KLHL6: variants seen among roughly 807,000 people sequenced by gnomAD.
KLHL6 encodes the protein kelch-like protein 6.
A neutral mutation model predicts 58.6 loss-of-function variants in KLHL6; 41 were observed. That is an observed-to-expected ratio of 0.70 (90% CI 0.55 to 0.91). The LOEUF is 0.91. Among genes scored for constraint, KLHL6 ranks in the 40% least tolerant of loss-of-function variants. The probability of loss-of-function intolerance (pLI) is 0.00; values close to 1 mark genes in which losing one functional copy is unlikely to be tolerated. For missense variants in KLHL6, 714 were observed against 805.6 expected (o/e 0.89, Z 1.38); for synonymous variants, 338 against 322.7 (o/e 1.05, Z -0.51).
At chr3:183,516,444 C>T (rs1711562344) in intron 2 of KLHL6, among the ~76,000 whole-genome samples, 1 of 152,252 alleles carries the variant, frequency 6.6e-6, no homozygotes, top group Non-Finnish European at 1.5e-5. Flanking sequence ...AGACAGCCAG[C>T]TTCCTGTTTG....
At chr3:183,549,294 G>C (rs887328210) in intron 1 of KLHL6, among the ~76,000 whole-genome samples, 3 of 152,210 alleles carry the variant, frequency 2.0e-5, no homozygotes, top group Non-Finnish European at 4.4e-5. Context: ...GGGTACACTT[G>C]AGAACTCAAG....
intron 2 of KLHL6, among the ~76,000 whole-genome samples, chr3:183,526,407 G>C (rs1247607000): frequency 2.0e-5 from 3 of 152,178 alleles, no homozygotes; most frequent in Non-Finnish European, 4.4e-5. Context: ...GCCTGAATAT[G>C]ACCCCAGTTT....
chr3:183,500,739 C>T (rs1717845290), intron 3 of KLHL6, among the ~76,000 whole-genome samples: 1 of 152,142 alleles, frequency 6.6e-6, no homozygotes, highest in South Asian at 2.1e-4. Context: ...CCCTGGGCTC[C>T]ATGATGAAGG....
At chr3:183,537,315 C>T (rs993554214) in intron 1 of KLHL6, among the ~76,000 whole-genome samples, 1 of 152,112 alleles carries the variant, frequency 6.6e-6, no homozygotes, top group Non-Finnish European at 1.5e-5. Flanking sequence ...AGGCCTTTTG[C>T]GGGGGATCAA....
In KLHL6 at chr3:183,516,844, G is replaced by A. The variant is rs368301487; in HGVS notation, c.460-8336C>T. ...ACCTTCAGCTCCGACAAATCAGCAT[G>A]TGTGAAGGTGTGATGAGATTAATAA... is the stretch of plus-strand genomic sequence containing the variant. On this transcript the variant is annotated intron_variant, in intron 2 of 6. Transcript: ENST00000341319. Among the ~76,000 whole-genome samples the A allele has an allele frequency of 4.6e-5, 7 of 152,370 alleles. No homozygotes were observed. The East Asian group carries it at 1.2e-3, about 25-fold the overall frequency.
intron 1 of KLHL6, chr3:183,552,086 C>T (rs1202953910): frequency 6.7e-6 from 1 of 149,984 alleles, no homozygotes; most frequent in East Asian, 1.9e-4. Context: ...ATGACACCCT[C>T]TTTTGGTGAT....
chr3:183,501,991 G>A (rs147892631), intron 3 of KLHL6, among the ~76,000 whole-genome samples: 2,841 of 152,232 alleles, frequency 0.019, 40 homozygotes, highest in Non-Finnish European at 0.027. Context: ...TATAAACATT[G>A]ATTAAATGAG....
rs535142359 is a variant in KLHL6 at position 183,507,525 on chromosome 3, G to A, written c.909+534C>T. ...CGGCTCACTACAACCTCTGCCTCCC[G>A]GGTTCAAGTGATCTTCCTGCCTCAG... On this transcript the variant is annotated intron_variant, in intron 3 of 6. Transcript: ENST00000341319. 4.4e-3 allele frequency among the ~76,000 whole-genome samples: 669 copies of A among 152,142 alleles called. 5 individuals carry two copies. Among genetic ancestry groups the A allele is most frequent in the African/African-American group, 0.015 (634 of 41,514 alleles).
rs551095377 is a variant in KLHL6, at chr3:183,508,801, A to C, written c.460-293T>G. ...TACAGTCGACTTAAAACAATGAGAC[A>C]CTTACGGGACTAGCTAAATACATAT... On this transcript the variant is annotated intron_variant, in intron 2 of 6. Transcript: ENST00000341319. Among the ~76,000 whole-genome samples the C allele has an allele frequency of 8.5e-5, 13 of 152,362 alleles. No individual in the cohort carries two copies. The East Asian group carries it at 2.5e-3, about 29-fold the overall frequency.
At position 183,513,630 on chromosome 3, in the gene KLHL6, G is replaced by T. The variant is rs374186398; in HGVS notation, c.460-5122C>A. 3.9e-5 allele frequency among the ~76,000 whole-genome samples: 6 copies of T among 152,300 alleles called. No homozygotes were observed. The East Asian group carries it at 7.7e-4, about 20-fold the overall frequency. ...CTGAAGCTCACATTTGTTAGAAGAA[G>T]CATTGATCTTCACTCCACCTGGCAA... On this transcript the variant is annotated intron_variant, in intron 2 of 6. Coordinates refer to ENST00000341319, the MANE Select transcript of KLHL6 (RefSeq NM_130446.4).
At chr3:183,504,170 C>T (rs1324747701) in intron 3 of KLHL6, among the ~76,000 whole-genome samples, 3 of 152,158 alleles carry the variant, frequency 2.0e-5, no homozygotes, top group Non-Finnish European at 4.4e-5. Flanking sequence ...ATAAACGAAC[C>T]AAGTGGCAAT....
intron 3 of KLHL6, among the ~76,000 whole-genome samples, chr3:183,506,916 T>C (rs1016847150): frequency 1.3e-5 from 2 of 151,536 alleles, no homozygotes; most frequent in Admixed American, 6.6e-5. Context: ...GGACTGAGTT[T>C]TGAAGTAGGA....
Position 183,555,617 on chromosome 3 carries a change from C to A in KLHL6, c.37G>T (p.Gly13Cys), listed in dbSNP as rs761130608. 13 of 1,610,248 alleles carry A rather than the reference C, an allele frequency of 8.1e-6. No individual in the cohort carries two copies. Among genetic ancestry groups the A allele is most frequent in the Non-Finnish European group, 1.1e-5 (13 of 1,178,364 alleles). The change falls in exon 1 of 7, where the codon GGT becomes TGT. Residue 13 changes from glycine to cysteine, a missense_variant. Gly to Cys is a radical substitution (Grantham distance 159). Transcript: ENST00000341319. The part of the protein sequence containing the change: ...MAGQRGAWTM[G>C]DVVEKSLEGP... ...TCCAAACTCTTCTCGACCACATCAC[C>A]CATGGTCCAGGCGCCCCTTTGTCCT... is the stretch of plus-strand genomic sequence containing the variant.
intron 2 of KLHL6, among the ~76,000 whole-genome samples, chr3:183,518,346 A>C (rs1312509469): frequency 6.6e-6 from 1 of 152,188 alleles, no homozygotes; most frequent in Non-Finnish European, 1.5e-5. Flanking sequence ...TCGCCCACAG[A>C]GACATGGTCA....
chr3:183,547,879 C>T (rs1712776119), intron 1 of KLHL6, among the ~76,000 whole-genome samples: 2 of 152,152 alleles, frequency 1.3e-5, no homozygotes, highest in Admixed American at 6.5e-5. Flanking sequence ...AGAAATGTGG[C>T]TAACAGGTCA....
At chr3:183,535,425 C>T (rs1414415826) in intron 1 of KLHL6, among the ~76,000 whole-genome samples, 2 of 152,092 alleles carry the variant, frequency 1.3e-5, no homozygotes, top group East Asian at 1.9e-4. Context: ...ATTTCACCCT[C>T]GTGAATGTCA....
At chr3:183,539,970 C>T (rs949506115) in intron 1 of KLHL6, among the ~76,000 whole-genome samples, 4 of 152,226 alleles carry the variant, frequency 2.6e-5, no homozygotes, top group Non-Finnish European at 5.9e-5. Flanking sequence ...ACAACATATA[C>T]TTGTGGTCAG....
At chr3:183,548,108 A>G (rs1712788115) in intron 1 of KLHL6, among the ~76,000 whole-genome samples, 1 of 152,162 alleles carries the variant, frequency 6.6e-6, no homozygotes, top group African/African-American at 2.4e-5. Context: ...ATCAGTCTGG[A>G]TCAAAGGGTT....
intron 1 of KLHL6, among the ~76,000 whole-genome samples, chr3:183,531,448 T>TTTTTG (rs1553812186): frequency 0.018 from 2,352 of 127,670 alleles, 115 homozygotes; most frequent in African/African-American, 0.074. Flanking sequence ...TCTGTGTTTT[T>TTTTTG]TTTTTTTTTT....
Sources: allele counts gnomAD v4.1 joint callset (sites outside exome capture counted in the v4.1 genomes callset), GRCh38; gene constraint gnomAD v4.1.1; transcripts MANE v1.5; gene names NCBI Gene and HGNC (gene_info 2026-07-23, HGNC 2026-07-21).